Variants in WDR70 observed in about 807,000 individuals in gnomAD.
WDR70 encodes WD repeat domain 70.
Under a neutral mutation model 88.6 loss-of-function variants are expected in WDR70, and 53 were observed. The observed-to-expected ratio is 0.60, with a 90% CI of 0.48 to 0.75. The LOEUF (loss-of-function observed/expected upper bound fraction) is 0.75, where lower values mean the gene tolerates loss of function less well. WDR70 is among the 30% of genes least tolerant of loss of function. The pLI is 0.00. For synonymous variants in WDR70, 280 were observed against 270.0 expected (o/e 1.04, Z -0.36); for missense variants, 610 against 823.2 (o/e 0.74, Z 3.17).
chr5:37,560,530 T>C (rs72738778), intron 9 of WDR70, among the ~76,000 whole-genome samples: 5,024 of 152,282 alleles, frequency 0.033, 103 homozygotes, highest in Middle Eastern at 0.095. Flanking sequence ...AATATTTAAA[T>C]TATATACACT....
chr5:37,623,622 T>G (rs1296234841), intron 10 of WDR70, among the ~76,000 whole-genome samples: 1 of 152,180 alleles, frequency 6.6e-6, no homozygotes, highest in Non-Finnish European at 1.5e-5. Context: ...ATTATGAGTA[T>G]TCCAGATTAG....
rs57080738 is a variant in WDR70, at chr5:37,521,740, A to ACACACC, written c.917+5151_917+5152insACACCC. On this transcript the variant is annotated intron_variant, in intron 9 of 17. Coordinates refer to ENST00000265107, the MANE Select transcript of WDR70 (RefSeq NM_018034.4). ...CACACACACACACACACACACACAC[A>ACACACC]CCCACATGTTCTTTATCAACTTGTT... Among the ~76,000 whole-genome samples, 516 of 131,272 alleles carry ACACACC rather than the reference A, an allele frequency of 3.9e-3. 13 individuals carry two copies. The highest frequency in any genetic ancestry group is 0.014 in the African/African-American group (473 of 34,702). The allele number at this position is 131,272 out of a possible 152,430, so 86.1% of individuals were successfully genotyped here. A position where few individuals can be genotyped will look rare whatever the true frequency, so the allele number is the denominator to read the frequency against.
chr5:37,483,057 G>A (rs1739721443), intron 8 of WDR70, among the ~76,000 whole-genome samples: 1 of 135,784 alleles, frequency 7.4e-6, no homozygotes, highest in Non-Finnish European at 1.6e-5. Flanking sequence ...GAGACACCCT[G>A]TCTCTTAATT....
chr5:37,493,540 A>G (rs2112197910), intron 8 of WDR70, among the ~76,000 whole-genome samples: 1 of 152,146 alleles, frequency 6.6e-6, no homozygotes, highest in African/African-American at 2.4e-5. Flanking sequence ...ATTTCCCAGA[A>G]CCTCTAGAAA....
At chr5:37,666,271 C>A (rs1745840630) in intron 10 of WDR70, among the ~76,000 whole-genome samples, 1 of 152,178 alleles carries the variant, frequency 6.6e-6, no homozygotes, top group Non-Finnish European at 1.5e-5. Context: ...AGATCCCCAA[C>A]TCCTGTTACC....
chr5:37,503,325 G>A (rs568165191), intron 8 of WDR70, among the ~76,000 whole-genome samples: 210 of 152,048 alleles, frequency 1.4e-3, no homozygotes, highest in African/African-American at 3.8e-3. Flanking sequence ...ATAGGTAAAC[G>A]TGTGTTATGG....
intron 10 of WDR70, among the ~76,000 whole-genome samples, chr5:37,625,342 T>G (rs1324839093): frequency 2.6e-5 from 4 of 152,304 alleles, no homozygotes; most frequent in Admixed American, 2.0e-4. Context: ...GCATTTGTTA[T>G]TATTTTTTTC....
intron 10 of WDR70, among the ~76,000 whole-genome samples, chr5:37,614,202 C>T (rs967227934): frequency 6.6e-6 from 1 of 152,162 alleles, no homozygotes; most frequent in African/African-American, 2.4e-5. Context: ...TTTCTAGAGG[C>T]CGCCCTTTTA....
chr5:37,544,458 G>A lies in WDR70; in HGVS notation c.917+27868G>A, dbSNP rs189423526. ...GAAATGAAGATTGTCACTAGTAAATGCTTTTGATGATAGGCTTCAGTAAAT... is the reference window on the plus strand; with the variant it reads ...GAAATGAAGATTGTCACTAGTAAATACTTTTGATGATAGGCTTCAGTAAAT... On this transcript the variant is annotated intron_variant, in intron 9 of 17. Transcript: ENST00000265107. Among the ~76,000 whole-genome samples the A allele has an allele frequency of 8.2e-3, 1,254 of 152,262 alleles. 17 individuals are homozygous for A. The highest frequency in any genetic ancestry group is 0.011 in the Non-Finnish European group (775 of 68,010).
intron 9 of WDR70, among the ~76,000 whole-genome samples, chr5:37,574,125 C>A (rs980399289): frequency 6.6e-6 from 1 of 152,170 alleles, no homozygotes; most frequent in Admixed American, 6.6e-5. Flanking sequence ...GACCATAATG[C>A]AGATCTAACA....
intron 14 of WDR70, 197 bp from the exon 15 acceptor site, chr5:37,722,658 C>G: frequency 1.7e-6 from 1 of 579,810 alleles, no homozygotes; most frequent in South Asian, 2.1e-5. Flanking sequence ...TAACCACTGA[C>G]TGACAGACTT....
At chr5:37,410,263 T>C (rs1243388549) in intron 5 of WDR70, among the ~76,000 whole-genome samples, 1 of 146,656 alleles carries the variant, frequency 6.8e-6, no homozygotes, top group East Asian at 2.1e-4. Context: ...GGTCTCGAAC[T>C]CCTGGGCTCA....
At chr5:37,574,241 T>C (rs1742992957) in intron 9 of WDR70, among the ~76,000 whole-genome samples, 1 of 152,090 alleles carries the variant, frequency 6.6e-6, no homozygotes. Context: ...TGTGCTCTCT[T>C]ATTGGCTAGG....
At chr5:37,676,369 G>A (rs1329072239) in intron 10 of WDR70, among the ~76,000 whole-genome samples, 6 of 152,056 alleles carry the variant, frequency 3.9e-5, no homozygotes, top group Non-Finnish European at 7.3e-5. Flanking sequence ...TTGGCTGTGG[G>A]TTTGTCATAG....
At chr5:37,409,974 C>T (rs181025178) in intron 5 of WDR70, among the ~76,000 whole-genome samples, 1 of 152,126 alleles carries the variant, frequency 6.6e-6, no homozygotes, top group Admixed American at 6.5e-5. Context: ...ATATAGAAGA[C>T]CTGATGCATA....
chr5:37,446,192 G>C (rs1430802594), intron 7 of WDR70, among the ~76,000 whole-genome samples: 1 of 152,114 alleles, frequency 6.6e-6, no homozygotes, highest in Non-Finnish European at 1.5e-5. Flanking sequence ...ATTCACAATT[G>C]CTTCAAAGAG....
At chr5:37,453,346 T>C (rs1292929462) in intron 7 of WDR70, among the ~76,000 whole-genome samples, 3 of 151,904 alleles carry the variant, frequency 2.0e-5, no homozygotes, top group Admixed American at 2.0e-4. Context: ...TAGCATTGTT[T>C]CTATAGATAT....
chr5:37,691,226 A>G (rs1326217495), intron 10 of WDR70, among the ~76,000 whole-genome samples: 2 of 152,224 alleles, frequency 1.3e-5, no homozygotes, highest in Non-Finnish European at 2.9e-5. Context: ...GCAAGTCCTT[A>G]GAGACCTACA....
chr5:37,457,321 C>G (rs71619868), intron 7 of WDR70, among the ~76,000 whole-genome samples: 1 of 152,160 alleles, frequency 6.6e-6, no homozygotes, highest in Admixed American at 6.5e-5. Context: ...GTCTCCAACT[C>G]CTGACCTCAA....
Sources: allele counts gnomAD v4.1 joint callset (sites outside exome capture counted in the v4.1 genomes callset), GRCh38; gene constraint gnomAD v4.1.1; transcripts MANE v1.5; gene names NCBI Gene and HGNC (gene_info 2026-07-23, HGNC 2026-07-21).